Variants in GRM3 observed in about 807,000 individuals in gnomAD.
GRM3 encodes glutamate metabotropic receptor 3.
A neutral mutation model predicts 70.5 loss-of-function variants in GRM3; 26 were observed. That is an observed-to-expected ratio of 0.37 (90% CI 0.27 to 0.51). The LOEUF is 0.51. Ranked by LOEUF, GRM3 falls within the 20% of genes least tolerant of loss-of-function variation. The probability of loss-of-function intolerance (pLI) is 0.93; values close to 1 mark genes in which losing one functional copy is unlikely to be tolerated. For missense variants in GRM3, 859 were observed against 1,123.8 expected (o/e 0.76, Z 3.37); for synonymous variants, 443 against 434.9 (o/e 1.02, Z -0.23).
At chr7:86,859,528 T>C (rs915630648) in intron 5 of GRM3, among the ~76,000 whole-genome samples, 1 of 152,120 alleles carries the variant, frequency 6.6e-6, no homozygotes. Flanking sequence ...ATGACCATAA[T>C]AGTAAAATAT....
chr7:86,716,683 CA>C (rs55934116), intron 1 of GRM3, among the ~76,000 whole-genome samples: 58,428 of 139,188 alleles, frequency 0.42, 12,041 homozygotes, highest in East Asian at 0.68. Context: ...CAGTTATATG[CA>C]AAAAAAAAAA....
At position 86,688,034 on chromosome 7, in the gene GRM3, ATATT is replaced by A. The variant is rs72234945; in HGVS notation, c.-141+43165_-141+43168del. ...CATGTTTAAAAGAGCTGAATCAGTG[ATATT>A]TAAAGTAAATGGAGTCAACTCTCAA... On this transcript the variant is annotated intron_variant, in intron 1 of 5. Transcript: ENST00000361669. Among the ~76,000 whole-genome samples, 1,129 of 151,886 alleles carry A rather than the reference ATATT, an allele frequency of 7.4e-3. 19 individuals are homozygous for A. The highest frequency in any genetic ancestry group is 0.026 in the African/African-American group (1,061 of 41,548).
chr7:86,709,611 AAG>A (rs1795146253), intron 1 of GRM3, among the ~76,000 whole-genome samples: 1 of 152,028 alleles, frequency 6.6e-6, no homozygotes, highest in African/African-American at 2.4e-5. Flanking sequence ...CTCATCCCCA[AAG>A]ATGGACACCT....
At chr7:86,852,301 TC>T (rs1378423614) in intron 5 of GRM3, among the ~76,000 whole-genome samples, 39 of 152,260 alleles carry the variant, frequency 2.6e-4, no homozygotes, top group African/African-American at 9.1e-4. Context: ...CCATAAGTCT[TC>T]CATAGACGTT....
At chr7:86,795,210 C>A (rs1216227125) in intron 3 of GRM3, among the ~76,000 whole-genome samples, 1 of 151,080 alleles carries the variant, frequency 6.6e-6, no homozygotes, top group East Asian at 1.9e-4. Flanking sequence ...CATACAGAAC[C>A]GAAGTATAGG....
intron 1 of GRM3, among the ~76,000 whole-genome samples, chr7:86,686,938 C>A (rs887127274): frequency 3.3e-5 from 5 of 151,742 alleles, no homozygotes; most frequent in African/African-American, 1.2e-4. Context: ...TGAAATCCTG[C>A]AACTGAAAAT....
chr7:86,682,427 A>G (rs1794462507), intron 1 of GRM3, among the ~76,000 whole-genome samples: 1 of 152,208 alleles, frequency 6.6e-6, no homozygotes, highest in Non-Finnish European at 1.5e-5. Flanking sequence ...AGATAAAAAT[A>G]AATTACAAAG....
At chr7:86,762,830 G>A (rs1290212510) in intron 1 of GRM3, among the ~76,000 whole-genome samples, 2 of 152,034 alleles carry the variant, frequency 1.3e-5, no homozygotes, top group South Asian at 4.2e-4. Context: ...GCAAAAGCAA[G>A]GGGTCATCAA....
intron 1 of GRM3, among the ~76,000 whole-genome samples, chr7:86,667,396 A>G (rs189666228): frequency 4.0e-4 from 61 of 152,226 alleles, no homozygotes; most frequent in African/African-American, 1.4e-3. Flanking sequence ...AAGAATCTCA[A>G]TTTATCCTTT....
rs1372930196 is a variant in GRM3, at chr7:86,786,234, C to T, written c.469-27C>T. 3.2e-6 allele frequency: 5 copies of T among 1,587,078 alleles called. No homozygotes were observed. In the South Asian group the frequency reaches 5.8e-5, roughly 18 times the overall value. On this transcript the variant is annotated intron_variant, in intron 2 of 5. Transcript: ENST00000361669. This position sits in a 1 kb window ranked among gnomAD's most constrained non-coding sequence, Gnocchi z 6.0. ...CAGTCATCTACCTCGGGGTTTCTAA[C>T]AAAGGTCCTTCTTCTCCCTCCCCTA...
At chr7:86,707,074 A>G (rs1795076997) in intron 1 of GRM3, among the ~76,000 whole-genome samples, 1 of 152,078 alleles carries the variant, frequency 6.6e-6, no homozygotes, top group African/African-American at 2.4e-5. Flanking sequence ...AACAGAAGTA[A>G]TTTCTTGATG....
intron 3 of GRM3, among the ~76,000 whole-genome samples, chr7:86,828,569 T>A (rs1798290790): frequency 6.6e-6 from 1 of 152,216 alleles, no homozygotes; most frequent in Non-Finnish European, 1.5e-5. Context: ...CATTATGTAT[T>A]AAAAACAATG....
intron 4 of GRM3, 116 bp from the exon 5 acceptor site, chr7:86,850,247 CAATAAGG>C: frequency 1.6e-6 from 1 of 641,754 alleles, no homozygotes; most frequent in Admixed American, 2.5e-5. Flanking sequence ...GATTTGGCTA[CAATAAGG>C]ACAGAGCTGT....
At chr7:86,645,057 TTG>T (rs1468931551) in intron 1 of GRM3, 185 bp downstream of exon 1, 14 of 352,750 alleles carry the variant, frequency 4.0e-5, no homozygotes, top group East Asian at 7.7e-5. Context: ...GAGTGAGAGT[TTG>T]TGTGTGTGCG....
intron 1 of GRM3, among the ~76,000 whole-genome samples, chr7:86,737,661 A>G (rs1016063732): frequency 1.3e-5 from 2 of 152,200 alleles, no homozygotes; most frequent in African/African-American, 4.8e-5. Flanking sequence ...ATCTGAAAAA[A>G]ATTATTGTTT....
At chr7:86,675,101 A>G (rs1184804358) in intron 1 of GRM3, among the ~76,000 whole-genome samples, 1 of 152,110 alleles carries the variant, frequency 6.6e-6, no homozygotes, top group Non-Finnish European at 1.5e-5. Flanking sequence ...ATCCTTATAT[A>G]AATTAGTATA....
chr7:86,832,887 T>G (rs779956783), intron 3 of GRM3: 105 of 254,462 alleles, frequency 4.1e-4, no homozygotes, highest in Middle Eastern at 3.8e-3. Flanking sequence ...CACATCCGAC[T>G]CCTTCTGAAA....
In GRM3 at chr7:86,824,318, C is replaced by T. The variant is rs571979140; in HGVS notation, c.1325-14521C>T. 1.4e-4 allele frequency among the ~76,000 whole-genome samples: 21 copies of T among 152,248 alleles called. No homozygotes were observed. In the South Asian group the frequency reaches 4.1e-3, roughly 30 times the overall value. ...ACTTGATCTAAGAACAAAAGTATTC[C>T]TACTTCTTCAAAGTATATCATTTTA... On this transcript the variant is annotated intron_variant, in intron 3 of 5. Transcript: ENST00000361669.
intron 1 of GRM3, among the ~76,000 whole-genome samples, chr7:86,708,792 A>C (rs910327651): frequency 6.6e-6 from 1 of 152,110 alleles, no homozygotes; most frequent in Non-Finnish European, 1.5e-5. Flanking sequence ...AACATAACTG[A>C]GGCTGGCCAG....
Sources: gnomAD v4.1 joint callset for allele counts (sites outside exome capture counted in the v4.1 genomes callset) on GRCh38, gnomAD v4.1.1 for gene constraint, Gnocchi (gnomAD v3.1) non-coding constraint, MANE v1.5 for transcripts, NCBI Gene and HGNC (gene_info 2026-07-23, HGNC 2026-07-21) for gene names.